Variants in PHF2 observed in about 807,000 individuals in gnomAD.
PHF2 encodes the protein lysine-specific demethylase PHF2.
A neutral mutation model predicts 120.5 loss-of-function variants in PHF2; 27 were observed. The ratio of observed to expected loss-of-function variants is 0.22; its 90% CI spans 0.17 to 0.31. The LOEUF is 0.31. Among genes scored for constraint, PHF2 ranks in the 10% least tolerant of loss-of-function variants. The probability of loss-of-function intolerance (pLI) is 1.00; values close to 1 mark genes in which losing one functional copy is unlikely to be tolerated. For synonymous variants in PHF2, 568 were observed against 592.5 expected, an observed-to-expected ratio of 0.96 and a Z score of 0.60; for missense variants, 1,024 against 1,434.8, an observed-to-expected ratio of 0.71 and a Z score of 4.63.
chr9:93,630,673 G>A (rs986181033), intron 2 of PHF2, among the ~76,000 whole-genome samples: 1 of 152,192 alleles, frequency 6.6e-6, no homozygotes, highest in Non-Finnish European at 1.5e-5. Flanking sequence ...TTCACCCTGT[G>A]CAGGTTCAGC....
chr9:93,579,115 G>A (rs980178902), intron 1 of PHF2, among the ~76,000 whole-genome samples: 1 of 152,072 alleles, frequency 6.6e-6, no homozygotes, highest in Non-Finnish European at 1.5e-5. Flanking sequence ...TCACAGCCCT[G>A]GGCAAATCCT....
chr9:93,582,338 A>G (rs1257457834), intron 1 of PHF2, among the ~76,000 whole-genome samples: 1 of 152,186 alleles, frequency 6.6e-6, no homozygotes, highest in African/African-American at 2.4e-5. Flanking sequence ...TGTAACACGG[A>G]CGGAAATGTA....
chr9:93,616,681 G>C (rs1263062878), intron 1 of PHF2, among the ~76,000 whole-genome samples: 3 of 148,656 alleles, frequency 2.0e-5, no homozygotes, highest in Non-Finnish European at 4.4e-5. Flanking sequence ...ACAGAGTTTC[G>C]CTCTGTTGCC....
chr9:93,643,503 T>C (rs1204644568), intron 3 of PHF2, among the ~76,000 whole-genome samples: 3 of 152,214 alleles, frequency 2.0e-5, no homozygotes, highest in African/African-American at 4.8e-5. Context: ...GCTATTCCCA[T>C]GTGATCAAAG....
At chr9:93,631,919 G>C (rs1826008478) in intron 2 of PHF2, among the ~76,000 whole-genome samples, 1 of 152,152 alleles carries the variant, frequency 6.6e-6, no homozygotes, top group Admixed American at 6.5e-5. Flanking sequence ...CCCTGGGCCA[G>C]GGGCCTCTTC....
intron 17 of PHF2, among the ~76,000 whole-genome samples, chr9:93,667,818 C>G (rs1826710603): frequency 6.6e-6 from 1 of 152,122 alleles, no homozygotes. Flanking sequence ...TTGACTAATG[C>G]TGGGCAGTGA....
At chr9:93,617,609 T>C (rs1381379926) in intron 1 of PHF2, among the ~76,000 whole-genome samples, 1 of 152,216 alleles carries the variant, frequency 6.6e-6, no homozygotes, top group Admixed American at 6.5e-5. Flanking sequence ...GTGGTGTCTT[T>C]ATTAGTTAGG....
At chr9:93,600,897 TGA>T (rs1330713484) in intron 1 of PHF2, among the ~76,000 whole-genome samples, 3 of 152,236 alleles carry the variant, frequency 2.0e-5, no homozygotes, top group Non-Finnish European at 4.4e-5. Context: ...ATAGATGATC[TGA>T]GCCTCCTAAT....
chr9:93,661,680 T>G (rs1310105037), intron 12 of PHF2, among the ~76,000 whole-genome samples: 1 of 150,336 alleles, frequency 6.7e-6, no homozygotes, highest in Non-Finnish European at 1.5e-5. Context: ...AATGAATGGG[T>G]AGATGAATGG....
intron 1 of PHF2, among the ~76,000 whole-genome samples, chr9:93,596,999 C>T (rs113617970): frequency 0.048 from 7,100 of 146,830 alleles, 230 homozygotes; most frequent in Non-Finnish European, 0.071. Flanking sequence ...GGCACGATCT[C>T]GGCTCACTGC....
Position 93,679,430 on chromosome 9 carries a change from A to T in PHF2, c.*1754A>T, listed in dbSNP as rs962832146. ...CTCTCTTTTTTTTAATTTTATTATT[A>T]TTATTTTGGCAACATGTACATTTCT... On this transcript the variant is annotated 3_prime_UTR_variant, in exon 22 of 22. Transcript: ENST00000359246. 3.2e-6 allele frequency: 1 copy of T among 313,666 alleles called. No individual in the cohort carries two copies. Among genetic ancestry groups the T allele is most frequent in the Non-Finnish European group, 6.2e-6 (1 of 161,552 alleles). The allele number at this position is 313,666 out of a possible 1,614,324, so 19.4% of individuals were successfully genotyped here.
intron 1 of PHF2, among the ~76,000 whole-genome samples, chr9:93,602,902 C>A (rs917876265): frequency 2.1e-4 from 32 of 152,156 alleles, no homozygotes; most frequent in African/African-American, 7.2e-4. Context: ...AAGAATGGAA[C>A]CTTCTGGCTC....
intron 19 of PHF2, among the ~76,000 whole-genome samples, chr9:93,675,278 C>G (rs143229693): frequency 1.4e-3 from 218 of 152,354 alleles, no homozygotes; most frequent in African/African-American, 5.0e-3. Flanking sequence ...CCTCACTCCT[C>G]TGGCTGGCTC....
chr9:93,636,635 GA>G, intron 3 of PHF2, 110 bp downstream of exon 3: 2 of 839,202 alleles, frequency 2.4e-6, no homozygotes, highest in South Asian at 3.3e-5. Flanking sequence ...ATCCTTGCTG[GA>G]AAGCAGGAAG....
At chr9:93,659,361 C>A in intron 10 of PHF2, 150 bp from the exon 11 acceptor site, 1 of 648,478 alleles carries the variant, frequency 1.5e-6, no homozygotes, top group Non-Finnish European at 2.8e-6. Context: ...CAGCAGAGAC[C>A]TCTTGCCAGG....
At chr9:93,607,161 C>T (rs1243911297) in intron 1 of PHF2, among the ~76,000 whole-genome samples, 1 of 152,176 alleles carries the variant, frequency 6.6e-6, no homozygotes, top group Non-Finnish European at 1.5e-5. Context: ...TTGTTTTTCT[C>T]CATCACTATT....
At chr9:93,639,599 C>T (rs1163970017) in intron 3 of PHF2, among the ~76,000 whole-genome samples, 1 of 152,074 alleles carries the variant, frequency 6.6e-6, no homozygotes, top group Non-Finnish European at 1.5e-5. Context: ...CAAGAACCTC[C>T]AATATCACCT....
chr9:93,620,810 G>A (rs368880369), intron 1 of PHF2, among the ~76,000 whole-genome samples: 3 of 151,962 alleles, frequency 2.0e-5, no homozygotes, highest in African/African-American at 4.8e-5. Flanking sequence ...CTTATTTTTC[G>A]TTTTGCCAAT....
chr9:93,664,810 C>T (rs1452986559), intron 14 of PHF2, among the ~76,000 whole-genome samples: 3 of 152,232 alleles, frequency 2.0e-5, no homozygotes, highest in Non-Finnish European at 2.9e-5. Flanking sequence ...TGAGAAAGAG[C>T]GGTGTGACTC....
Sources: allele counts gnomAD v4.1 joint callset (sites outside exome capture counted in the v4.1 genomes callset), GRCh38; gene constraint gnomAD v4.1.1; transcripts MANE v1.5; gene names NCBI Gene and HGNC (gene_info 2026-07-23, HGNC 2026-07-21).